The following SLC25A24 variants were observed in gnomAD, a reference collection of about 807,000 sequenced individuals.
The protein encoded by SLC25A24 is mitochondrial adenyl nucleotide antiporter SLC25A24.
SLC25A24 carries 49 observed loss-of-function variants against 60.7 expected under a neutral mutation model. That is an observed-to-expected ratio of 0.81 (90% CI 0.64 to 1.02). The LOEUF is 1.02. Among genes scored for constraint, SLC25A24 ranks in the 50% least tolerant of loss-of-function variants. SLC25A24 has a pLI of 0.00. For synonymous variants in SLC25A24, 202 were observed against 200.6 expected, an observed-to-expected ratio of 1.01 and a Z score of -0.06; for missense variants, 564 against 586.3, an observed-to-expected ratio of 0.96 and a Z score of 0.39.
At chr1:108,178,506 A>G (rs1369470225) in intron 3 of SLC25A24, among the ~76,000 whole-genome samples, 1 of 152,118 alleles carries the variant, frequency 6.6e-6, no homozygotes, top group Non-Finnish European at 1.5e-5. Flanking sequence ...TTCTTTTCCG[A>G]CCACAATAAT....
chr1:108,159,739 CT>C (rs2101616557), intron 4 of SLC25A24, among the ~76,000 whole-genome samples: 1 of 151,788 alleles, frequency 6.6e-6, no homozygotes, highest in East Asian at 1.9e-4. Flanking sequence ...CCATTTAACC[CT>C]GAGTGGACAC....
chr1:108,145,261 G>GT (rs958752765), intron 7 of SLC25A24, among the ~76,000 whole-genome samples: 12 of 150,978 alleles, frequency 7.9e-5, no homozygotes, highest in Non-Finnish European at 8.9e-5. Flanking sequence ...TTTTTGGTGG[G>GT]TTTTTTTTTC....
chr1:108,180,658 C>CTCTCTCTCTCTG (rs1647893961), intron 3 of SLC25A24, among the ~76,000 whole-genome samples: 5 of 105,046 alleles, frequency 4.8e-5, no homozygotes, highest in African/African-American at 1.7e-4. Context: ...CTCTCTCTCT[C>CTCTCTCTCTCTG]TCTCTCTCTG....
intron 1 of SLC25A24, among the ~76,000 whole-genome samples, chr1:108,190,466 T>C (rs1170266818): frequency 6.6e-6 from 1 of 152,196 alleles, no homozygotes; most frequent in African/African-American, 2.4e-5. Context: ...ACAGGCTGGT[T>C]TCCTGGTCTG....
chr1:108,164,009 T>G (rs1264494859), intron 3 of SLC25A24, among the ~76,000 whole-genome samples: 1 of 152,250 alleles, frequency 6.6e-6, no homozygotes, highest in Non-Finnish European at 1.5e-5. Flanking sequence ...GAAGTGTTGT[T>G]GAATTTTGTC....
intron 3 of SLC25A24, among the ~76,000 whole-genome samples, chr1:108,168,081 A>G (rs1647271953): frequency 6.6e-6 from 1 of 152,214 alleles, no homozygotes; most frequent in Admixed American, 6.5e-5. Context: ...GCTTTGGTGC[A>G]TCCTACAAAT....
At chr1:108,180,950 G>A (rs1483297719) in intron 3 of SLC25A24, among the ~76,000 whole-genome samples, 7 of 152,152 alleles carry the variant, frequency 4.6e-5, no homozygotes, top group Non-Finnish European at 8.8e-5. Context: ...CCAGGGAAAA[G>A]CCCTCACTTT....
chr1:108,187,927 G>GATATATATATAGATATATAT (rs1553256781), intron 1 of SLC25A24, among the ~76,000 whole-genome samples: 3 of 95,748 alleles, frequency 3.1e-5, no homozygotes, highest in Non-Finnish European at 6.2e-5. Context: ...AGACATTATA[G>GATATATATATAGATATATAT]ATATATATAT....
chr1:108,156,164 C>A (rs1240167488), intron 5 of SLC25A24, among the ~76,000 whole-genome samples: 1 of 152,184 alleles, frequency 6.6e-6, no homozygotes, highest in Non-Finnish European at 1.5e-5. Flanking sequence ...AGGGAGAGGA[C>A]AACAGAAGCT....
At chr1:108,176,846 G>A (rs34406538) in intron 3 of SLC25A24, among the ~76,000 whole-genome samples, 67,191 of 151,840 alleles carry the variant, frequency 0.44, 15,065 homozygotes, top group Middle Eastern at 0.59. Flanking sequence ...AATCATGACC[G>A]CACCTATTTT....
At chr1:108,165,132 G>C (rs1404203708) in intron 3 of SLC25A24, among the ~76,000 whole-genome samples, 1 of 150,822 alleles carries the variant, frequency 6.6e-6, no homozygotes, top group Non-Finnish European at 1.5e-5. Context: ...CTGAGTTCTA[G>C]TTTGATTGCA....
chr1:108,143,187 G>A lies in SLC25A24; in HGVS notation c.1098+356C>T, dbSNP rs1000538823. On this transcript the variant is annotated intron_variant, in intron 8 of 9. Transcript: ENST00000565488. Reference sequence around the variant, plus strand: ...GTTGATCCAAGATTTGTATTCTTCCGTACAAGGAATGAAACTGTATTACTC... The same window carrying A: ...GTTGATCCAAGATTTGTATTCTTCCATACAAGGAATGAAACTGTATTACTC... 3.3e-5 allele frequency among the ~76,000 whole-genome samples: 5 copies of A among 152,262 alleles called. No homozygotes were observed. In the East Asian group the frequency reaches 7.7e-4, roughly 23 times the overall value.
chr1:108,192,731 T>C, intron 1 of SLC25A24: 3 of 1,402,488 alleles, frequency 2.1e-6, no homozygotes, highest in Non-Finnish European at 2.8e-6. Flanking sequence ...GGAAGAGGCC[T>C]AAGACAGCAT....
chr1:108,175,413 A>G (rs1647638489), intron 3 of SLC25A24, among the ~76,000 whole-genome samples: 1 of 152,184 alleles, frequency 6.6e-6, no homozygotes, highest in Non-Finnish European at 1.5e-5. Context: ...TCCTCAGCCA[A>G]GCAAAAGTAA....
intron 3 of SLC25A24, among the ~76,000 whole-genome samples, chr1:108,167,651 C>T (rs1469844188): frequency 2.0e-5 from 3 of 152,198 alleles, no homozygotes; most frequent in African/African-American, 7.2e-5. Flanking sequence ...TGCTTCGGCT[C>T]GCGCACGGTG....
intron 2 of SLC25A24, 40 bp downstream of exon 2, chr1:108,185,788 C>T: frequency 6.7e-7 from 1 of 1,502,508 alleles, no homozygotes; most frequent in Non-Finnish European, 9.1e-7. Flanking sequence ...ATGATAAATG[C>T]TTCTTCATAG....
intron 7 of SLC25A24, among the ~76,000 whole-genome samples, chr1:108,146,003 CTGATTCTTCCTATGATATGATAT>C (rs1679578945): frequency 6.6e-6 from 1 of 150,774 alleles, no homozygotes; most frequent in Non-Finnish European, 1.5e-5. Flanking sequence ...AGTATGGCCA[CTGATTCTTCCTATGATATGATAT>C]TGATTCTTCC....
At chr1:108,187,658 T>G (rs1648178901) in intron 1 of SLC25A24, among the ~76,000 whole-genome samples, 1 of 151,810 alleles carries the variant, frequency 6.6e-6, no homozygotes, top group African/African-American at 2.4e-5. Context: ...AACATTTCCA[T>G]GAAGAAAAAT....
intron 1 of SLC25A24, among the ~76,000 whole-genome samples, chr1:108,195,407 CA>C (rs1354176234): frequency 6.6e-6 from 1 of 152,130 alleles, no homozygotes. Context: ...TAGAATGCTA[CA>C]AAGATAGAAA....
Sources: allele counts gnomAD v4.1 joint callset (sites outside exome capture counted in the v4.1 genomes callset), GRCh38; gene constraint gnomAD v4.1.1; transcripts MANE v1.5; gene names NCBI Gene and HGNC (gene_info 2026-07-23, HGNC 2026-07-21).